The following WBP1L variants were observed in gnomAD, a reference collection of about 807,000 sequenced individuals.
WBP1L encodes the protein WW domain binding protein 1-like.
A neutral mutation model predicts 33.7 loss-of-function variants in WBP1L; 17 were observed. The ratio of observed to expected loss-of-function variants is 0.50; its 90% CI spans 0.34 to 0.76. The LOEUF (loss-of-function observed/expected upper bound fraction) is 0.76, where lower values mean the gene tolerates loss of function less well. Ranked by LOEUF, WBP1L falls within the 30% of genes least tolerant of loss-of-function variation. The probability of loss-of-function intolerance (pLI) is 0.01; values close to 1 mark genes in which losing one functional copy is unlikely to be tolerated. For synonymous variants in WBP1L, 173 were observed against 190.8 expected (o/e 0.91, Z 0.77); for missense variants, 389 against 469.4 (o/e 0.83, Z 1.58).
intron 1 of WBP1L, among the ~76,000 whole-genome samples, chr10:102,784,721 G>T (rs1037886688): frequency 2.6e-5 from 4 of 151,300 alleles, no homozygotes; most frequent in Non-Finnish European, 5.9e-5. Context: ...CACCGCGCCC[G>T]GCGAATTTTT....
intron 1 of WBP1L, among the ~76,000 whole-genome samples, chr10:102,748,958 G>A (rs1452573384): frequency 1.3e-5 from 2 of 152,242 alleles, no homozygotes; most frequent in African/African-American, 4.8e-5. Context: ...AATGGAGAGT[G>A]TGTTTGGAGG....
chr10:102,766,831 CAA>C (rs60853653), intron 1 of WBP1L, among the ~76,000 whole-genome samples: 105,664 of 144,940 alleles, frequency 0.73, 37,741 homozygotes, highest in East Asian at 0.89. Context: ...GACTCTGTCT[CAA>C]AAAAAAAAAA....
intron 1 of WBP1L, among the ~76,000 whole-genome samples, chr10:102,765,719 A>G (rs1196000107): frequency 6.6e-6 from 1 of 152,212 alleles, no homozygotes; most frequent in African/African-American, 2.4e-5. Flanking sequence ...TCTAAAACAT[A>G]AAGTGTGAAA....
intron 2 of WBP1L, among the ~76,000 whole-genome samples, chr10:102,801,817 T>A (rs1013085542): frequency 6.6e-6 from 1 of 152,052 alleles, no homozygotes; most frequent in Non-Finnish European, 1.5e-5. Context: ...AACTCGTTTT[T>A]CATTTTTTAT....
rs111358337 is a variant in WBP1L at position 102,750,402 on chromosome 10, G to GA, written c.90+6268dup. Among the ~76,000 whole-genome samples, 1,144 of 148,638 alleles carry GA rather than the reference G, an allele frequency of 7.7e-3. 21 individuals are homozygous for GA. The highest frequency in any genetic ancestry group is 0.027 in the African/African-American group (1,078 of 40,630). ...AGAGTGAGACCCTGTCTCAAAAAAA[G>GA]AAAAAAAAACTTTATTGAGGTAATT... On this transcript the variant is annotated intron_variant, in intron 1 of 3. Coordinates refer to ENST00000448841, the MANE Select transcript of WBP1L (RefSeq NM_001083913.2).
chr10:102,786,492 G>C (rs1843417287), intron 1 of WBP1L, among the ~76,000 whole-genome samples: 1 of 152,184 alleles, frequency 6.6e-6, no homozygotes, highest in Non-Finnish European at 1.5e-5. Flanking sequence ...GAGGGTCTCA[G>C]TCTATCTACA....
chr10:102,773,695 C>T (rs1467845223), intron 1 of WBP1L, among the ~76,000 whole-genome samples: 1 of 151,824 alleles, frequency 6.6e-6, no homozygotes, highest in Non-Finnish European at 1.5e-5. Flanking sequence ...CAAGCCTGGA[C>T]AACATAGTGA....
chr10:102,779,493 GT>G (rs1289734841), intron 1 of WBP1L, among the ~76,000 whole-genome samples: 7 of 151,912 alleles, frequency 4.6e-5, no homozygotes, highest in African/African-American at 1.7e-4. Flanking sequence ...TAGAGATGGG[GT>G]TTCACCATGG....
chr10:102,769,290 T>C (rs1049928266), intron 1 of WBP1L, among the ~76,000 whole-genome samples: 9 of 152,220 alleles, frequency 5.9e-5, no homozygotes, highest in Non-Finnish European at 1.0e-4. Context: ...AAAATTTTCT[T>C]TGAAAACAAA....
At chr10:102,755,672 T>G (rs1002926899) in intron 1 of WBP1L, among the ~76,000 whole-genome samples, 5 of 151,962 alleles carry the variant, frequency 3.3e-5, no homozygotes, top group Middle Eastern at 3.2e-3. Context: ...GGATTACAGG[T>G]GTGAGCCACT....
In WBP1L at chr10:102,813,504, G is replaced by T; in HGVS notation, c.*173G>T. On this transcript the variant is annotated 3_prime_UTR_variant, in exon 4 of 4. Coordinates refer to ENST00000448841, the MANE Select transcript of WBP1L (RefSeq NM_001083913.2). ...CCTCCATCTCCAGGTACAGTTCGGG[G>T]TGTGGATGCCTCTTCCTCCACAAGG... 5.4e-6 allele frequency: 5 copies of T among 918,020 alleles called. No homozygotes were observed. The highest frequency in any genetic ancestry group is 8.0e-6 in the Non-Finnish European group (5 of 628,638). The allele number at this position is 918,020 out of a possible 1,614,324, so 56.9% of individuals were successfully genotyped here. A position where few individuals can be genotyped will look rare whatever the true frequency, so the allele number is the denominator to read the frequency against.
intron 3 of WBP1L, among the ~76,000 whole-genome samples, chr10:102,811,918 T>C (rs1274912705): frequency 1.3e-5 from 2 of 152,212 alleles, no homozygotes; most frequent in Admixed American, 6.5e-5. Context: ...AAATTATCTG[T>C]GTCATAAGGC....
At chr10:102,785,513 A>G (rs533994952) in intron 1 of WBP1L, among the ~76,000 whole-genome samples, 4 of 149,210 alleles carry the variant, frequency 2.7e-5, no homozygotes, top group East Asian at 1.9e-4. Context: ...AAGTTGAAAA[A>G]CAACGGTGCC....
At chr10:102,775,689 C>A (rs927896934) in intron 1 of WBP1L, among the ~76,000 whole-genome samples, 3 of 152,118 alleles carry the variant, frequency 2.0e-5, no homozygotes, top group South Asian at 2.1e-4. Context: ...CTCTCCAAGC[C>A]CCCGCTGCGA....
chr10:102,757,212 A>T (rs1425347351), intron 1 of WBP1L, among the ~76,000 whole-genome samples: 1 of 152,116 alleles, frequency 6.6e-6, no homozygotes, highest in Admixed American at 6.5e-5. Flanking sequence ...TTTTATAGAG[A>T]CAGGGTCTTG....
chr10:102,809,936 C>T lies in WBP1L; in HGVS notation c.237C>T (p.Cys79=), dbSNP rs1188838373. The part of the protein sequence containing the change: ...VWTIIIILSC[C]CVCHHRRAKH... Reference sequence around the variant, plus strand: ...CCATCATCATCATCCTGAGCTGCTGCTGTGTTTGCCACCACCGCCGAGCCA... The same window carrying T: ...CCATCATCATCATCCTGAGCTGCTGTTGTGTTTGCCACCACCGCCGAGCCA... The change falls in exon 3 of 4, where the codon TGC becomes TGT. Residue 79 remains cysteine, a synonymous_variant. Transcript: ENST00000448841. 5 of 1,613,798 alleles carry T rather than the reference C, an allele frequency of 3.1e-6. No individual in the cohort carries two copies. In the African/African-American group the frequency reaches 5.3e-5, roughly 17 times the overall value.
At chr10:102,780,146 A>T (rs780649417) in intron 1 of WBP1L, among the ~76,000 whole-genome samples, 1 of 152,320 alleles carries the variant, frequency 6.6e-6, no homozygotes, top group Admixed American at 6.5e-5. Flanking sequence ...TAAAGGGCAG[A>T]TAAACTGTAG....
intron 2 of WBP1L, among the ~76,000 whole-genome samples, chr10:102,800,510 C>T (rs374201112): frequency 3.0e-4 from 45 of 152,294 alleles, no homozygotes; most frequent in African/African-American, 9.6e-4. Context: ...GCTGCATGAA[C>T]GGCTAAGTGT....
chr10:102,777,537 TCTGCCC>T (rs1564760772), intron 1 of WBP1L, among the ~76,000 whole-genome samples: 3 of 150,456 alleles, frequency 2.0e-5, no homozygotes, highest in Non-Finnish European at 4.4e-5. Context: ...GAACATCCCT[TCTGCCC>T]CCACAAGAAA....
Sources: gnomAD v4.1 joint callset for allele counts (sites outside exome capture counted in the v4.1 genomes callset) on GRCh38, gnomAD v4.1.1 for gene constraint, MANE v1.5 for transcripts, NCBI Gene and HGNC (gene_info 2026-07-23, HGNC 2026-07-21) for gene names.